EYA2: variants seen among roughly 807,000 people sequenced by gnomAD.
The protein encoded by EYA2 is EYA transcriptional coactivator and phosphatase 2.
Under a neutral mutation model 69.2 loss-of-function variants are expected in EYA2, and 31 were observed. The ratio of observed to expected loss-of-function variants is 0.45; its 90% CI spans 0.34 to 0.60. EYA2 has a LOEUF of 0.60. Among genes scored for constraint, EYA2 ranks in the 20% least tolerant of loss-of-function variants. EYA2 has a pLI of 0.02. For missense variants in EYA2, 622 were observed against 701.2 expected (o/e 0.89, Z 1.28); for synonymous variants, 257 against 279.4 (o/e 0.92, Z 0.80).
intron 1 of EYA2, among the ~76,000 whole-genome samples, chr20:46,937,174 G>T (rs1250353324): frequency 6.6e-6 from 1 of 152,212 alleles, no homozygotes; most frequent in African/African-American, 2.4e-5. Context: ...AATCTCTGCA[G>T]TTAGGGCATT....
At chr20:47,167,230 C>G (rs1013874299) in intron 10 of EYA2, among the ~76,000 whole-genome samples, 1 of 151,540 alleles carries the variant, frequency 6.6e-6, no homozygotes, top group Non-Finnish European at 1.5e-5. Flanking sequence ...ACACACGTGT[C>G]CTCTTACAGT....
chr20:46,979,925 A>G (rs13037327), intron 1 of EYA2: 12,460 of 152,220 alleles, frequency 0.082, 739 homozygotes, highest in Middle Eastern at 0.16. Flanking sequence ...TCTCCATCTT[A>G]TAGAACTGAG....
At chr20:47,067,022 G>T (rs1368371013) in intron 5 of EYA2, among the ~76,000 whole-genome samples, 1 of 152,166 alleles carries the variant, frequency 6.6e-6, no homozygotes, top group Non-Finnish European at 1.5e-5. Context: ...ATTTCTCACT[G>T]CAGGCACTCT....
At chr20:46,937,622 C>T (rs893355851) in intron 1 of EYA2, among the ~76,000 whole-genome samples, 13 of 151,048 alleles carry the variant, frequency 8.6e-5, no homozygotes, top group Non-Finnish European at 1.9e-4. Flanking sequence ...GGTTGAGAGT[C>T]CAATGCACAC....
At chr20:47,147,235 A>G (rs61400257) in intron 10 of EYA2, among the ~76,000 whole-genome samples, 7,645 of 151,686 alleles carry the variant, frequency 0.05, 573 homozygotes, top group East Asian at 0.17. Context: ...TTTTAGTAGA[A>G]ACAGGGCTTC....
At chr20:46,933,333 G>T (rs575424801) in intron 1 of EYA2, among the ~76,000 whole-genome samples, 1 of 152,154 alleles carries the variant, frequency 6.6e-6, no homozygotes, top group Non-Finnish European at 1.5e-5. Context: ...GAGAACATCC[G>T]TGCAAAGAGG....
At chr20:47,083,780 AAAG>A (rs1294350488) in intron 7 of EYA2, among the ~76,000 whole-genome samples, 1 of 152,212 alleles carries the variant, frequency 6.6e-6, no homozygotes, top group Non-Finnish European at 1.5e-5. Flanking sequence ...AAAAAGAAAA[AAAG>A]AATATAAACT....
At chr20:47,016,352 G>A in intron 5 of EYA2, 55 bp downstream of exon 5, 1 of 1,367,670 alleles carries the variant, frequency 7.3e-7, no homozygotes, top group Non-Finnish European at 1.0e-6. Context: ...ACCTAAGTTG[G>A]GTGTCCATTC....
chr20:47,055,914 A>G (rs1380086658), intron 5 of EYA2, among the ~76,000 whole-genome samples: 1 of 152,018 alleles, frequency 6.6e-6, no homozygotes, highest in Non-Finnish European at 1.5e-5. Flanking sequence ...GTGGACCGAC[A>G]TGTGACAGCT....
At chr20:46,965,878 C>T (rs1300693835) in intron 1 of EYA2, among the ~76,000 whole-genome samples, 5 of 152,222 alleles carry the variant, frequency 3.3e-5, no homozygotes, top group African/African-American at 9.6e-5. Context: ...CTGGCTGTCG[C>T]GGATGCTTCG....
At chr20:47,147,518 G>A (rs74464552) in intron 10 of EYA2, among the ~76,000 whole-genome samples, 5,965 of 152,264 alleles carry the variant, frequency 0.039, 372 homozygotes, top group East Asian at 0.17. Context: ...TGAAGCAGAG[G>A]GAACAGGAAG....
chr20:47,031,758 T>C (rs1984431121), intron 5 of EYA2, among the ~76,000 whole-genome samples: 2 of 152,140 alleles, frequency 1.3e-5, no homozygotes, highest in African/African-American at 2.4e-5. Context: ...GGTCTGCACC[T>C]GCACAATTTG....
chr20:47,097,177 C>T lies in EYA2; in HGVS notation c.888+9C>T, dbSNP rs1244751964. 1 of 1,592,352 alleles carries T rather than the reference C, an allele frequency of 6.3e-7. No homozygotes were observed. The highest frequency in any genetic ancestry group is 1.3e-5 in the African/African-American group (1 of 74,128). ...CATCCAGATACGGGAAGGTAAGAAT[C>T]CATTTTGTCTCTCTCTCTCTTTTTT... On this transcript the variant is annotated intron_variant, in intron 9 of 15. Coordinates refer to ENST00000327619, the MANE Select transcript of EYA2 (RefSeq NM_005244.5).
chr20:47,001,751 G>A lies in EYA2; in HGVS notation c.155+278G>A, dbSNP rs538925253. 2.6e-5 allele frequency among the ~76,000 whole-genome samples: 4 copies of A among 151,180 alleles called. No homozygotes were observed. In the South Asian group the frequency reaches 8.5e-4, roughly 32 times the overall value. ...GGGCCTGGAGCAGAGTGTCCTCAGA[G>A]TCTTAGCTATTATTTTCTTCTTTCT... On this transcript the variant is annotated intron_variant, in intron 3 of 15. Transcript: ENST00000327619.
Position 47,179,785 on chromosome 20 carries a change from C to T in EYA2, c.1199-13C>T, listed in dbSNP as rs753301887. 108 of 1,586,600 alleles carry T rather than the reference C, an allele frequency of 6.8e-5. No individual in the cohort carries two copies. The highest frequency in any genetic ancestry group is 5.4e-4 in the East Asian group (24 of 44,652). On this transcript the variant is annotated splice_polypyrimidine_tract_variant and intron_variant, in intron 12 of 15. Coordinates refer to ENST00000327619, the MANE Select transcript of EYA2 (RefSeq NM_005244.5). ...TAATACGATGACTACATCTTTATTTCCTTTGTCCACAGGGTTGATAGGCAC... is the reference window on the plus strand; with the variant it reads ...TAATACGATGACTACATCTTTATTTTCTTTGTCCACAGGGTTGATAGGCAC...
intron 1 of EYA2, among the ~76,000 whole-genome samples, chr20:46,964,852 G>C (rs1979680214): frequency 6.6e-6 from 1 of 152,176 alleles, no homozygotes; most frequent in African/African-American, 2.4e-5. Flanking sequence ...AGTCATGTGG[G>C]AGCCAAGCTG....
Position 47,148,555 on chromosome 20 carries a change from G to GACATGTCATGACATGCTC in EYA2, c.978+5408_978+5409insCATGTCATGACATGCTCA, listed in dbSNP as rs540240162. 5.3e-3 allele frequency among the ~76,000 whole-genome samples: 809 copies of GACATGTCATGACATGCTC among 152,332 alleles called. 25 individuals carry two copies. In the East Asian group the frequency reaches 0.083, roughly 16 times the overall value. On this transcript the variant is annotated intron_variant, in intron 10 of 15. Transcript: ENST00000327619. Reference sequence around the variant, plus strand: ...GTATAGGCAACAGAAATATGACAAAGATGATGACAGTCATGAGCAGACCAG... The same window carrying GACATGTCATGACATGCTC: ...GTATAGGCAACAGAAATATGACAAAGACATGTCATGACATGCTCATGATGACAGTCATGAGCAGACCAG...
chr20:47,060,101 A>G (rs2030812146), intron 5 of EYA2, among the ~76,000 whole-genome samples: 1 of 152,232 alleles, frequency 6.6e-6, no homozygotes, highest in Non-Finnish European at 1.5e-5. Context: ...CATTAGACTC[A>G]CATTCTTATG....
intron 5 of EYA2, among the ~76,000 whole-genome samples, chr20:47,035,118 C>T (rs1409448627): frequency 6.6e-6 from 1 of 152,236 alleles, no homozygotes; most frequent in African/African-American, 2.4e-5. Context: ...CATCACCCAA[C>T]CAGGGTCCCT....
Sources: allele counts gnomAD v4.1 joint callset (sites outside exome capture counted in the v4.1 genomes callset), GRCh38; gene constraint gnomAD v4.1.1; transcripts MANE v1.5; gene names NCBI Gene and HGNC (gene_info 2026-07-23, HGNC 2026-07-21).